Variants in FRY observed in about 807,000 individuals in gnomAD.
The protein encoded by FRY is protein furry homolog.
FRY carries 128 observed loss-of-function variants against 348.4 expected under a neutral mutation model. That is an observed-to-expected ratio of 0.37 (90% CI 0.32 to 0.43). The LOEUF is 0.43. FRY is among the 20% of genes least tolerant of loss of function. FRY has a pLI of 1.00. For missense variants in FRY, 2,736 were observed against 3,695.2 expected (o/e 0.74, Z 6.73); for synonymous variants, 1,370 against 1,374.7 (o/e 1.00, Z 0.08).
At chr13:32,274,359 C>A (rs1170202132) in intron 55 of FRY, among the ~76,000 whole-genome samples, 1 of 152,042 alleles carries the variant, frequency 6.6e-6, no homozygotes, top group Non-Finnish European at 1.5e-5. Flanking sequence ...ACAGCATACA[C>A]ATATTTTAAA....
At chr13:32,095,452 A>G (rs1786600049) in intron 2 of FRY, among the ~76,000 whole-genome samples, 1 of 144,384 alleles carries the variant, frequency 6.9e-6, no homozygotes, top group South Asian at 2.2e-4. Context: ...GGTTCCAGCA[A>G]TTCACTGCCT....
At chr13:32,184,128 A>T (rs1315173919) in intron 24 of FRY, among the ~76,000 whole-genome samples, 2 of 150,432 alleles carry the variant, frequency 1.3e-5, no homozygotes, top group African/African-American at 4.9e-5. Context: ...ATAGTAAGCC[A>T]AGATCACACC....
At chr13:32,090,938 T>G (rs1455372319) in intron 2 of FRY, among the ~76,000 whole-genome samples, 5 of 151,810 alleles carry the variant, frequency 3.3e-5, no homozygotes, top group African/African-American at 9.7e-5. Context: ...AAAAAAAAAG[T>G]GCCAACATAT....
chr13:32,284,794 G>A (rs1332803060), intron 58 of FRY, among the ~76,000 whole-genome samples: 1 of 152,138 alleles, frequency 6.6e-6, no homozygotes. Flanking sequence ...GAAAATAATA[G>A]CTACTATAGT....
At chr13:32,196,170 T>C (rs1213900364) in intron 29 of FRY, among the ~76,000 whole-genome samples, 3 of 152,210 alleles carry the variant, frequency 2.0e-5, no homozygotes, top group African/African-American at 7.2e-5. Context: ...TGAAAAGTCA[T>C]ATGCAAACTG....
At chr13:32,097,430 T>G (rs1272466402) in intron 2 of FRY, among the ~76,000 whole-genome samples, 3 of 150,906 alleles carry the variant, frequency 2.0e-5, no homozygotes, top group African/African-American at 7.3e-5. Context: ...GGCATGATCT[T>G]GGCTCACTGC....
chr13:32,244,650 A>G (rs984129598), intron 47 of FRY, among the ~76,000 whole-genome samples: 5 of 152,262 alleles, frequency 3.3e-5, no homozygotes, highest in African/African-American at 1.2e-4. Flanking sequence ...AATATACTTG[A>G]AAATACTGCA....
chr13:32,291,966 G>GT (rs1283191700), intron 59 of FRY: 1 of 451,044 alleles, frequency 2.2e-6, no homozygotes, highest in South Asian at 1.6e-5. Context: ...AACAAATAAA[G>GT]TTTTTTTGTT....
intron 1 of FRY, among the ~76,000 whole-genome samples, chr13:32,063,081 T>G (rs1374654100): frequency 2.6e-5 from 4 of 152,180 alleles, no homozygotes; most frequent in Non-Finnish European, 5.9e-5. Flanking sequence ...AGACTGTCCT[T>G]CAAGTCACCC....
At position 32,184,995 on chromosome 13, in the gene FRY, C is replaced by T. The variant is rs751565181; in HGVS notation, c.3166C>T (p.Arg1056Trp). 5.6e-6 allele frequency: 9 copies of T among 1,613,792 alleles called. No homozygotes were observed. Among genetic ancestry groups the T allele is most frequent in the Admixed American group, 1.7e-5 (1 of 60,018 alleles). The part of the protein sequence containing the change: ...ISDSTNGALE[R>W]DTLALGALFL... ...TTCCAGCACAAATGGAGCCCTAGAG[C>T]GGGATACTTTAGCCCTGGGAGCTTT... Residue 1056 changes from arginine to tryptophan, a missense_variant, in exon 26 of 61, where the codon CGG (arginine) becomes TGG (tryptophan). Coordinates refer to ENST00000542859, the MANE Select transcript of FRY (RefSeq NM_023037.3).
At chr13:32,225,330 A>G (rs1306015646) in intron 38 of FRY, among the ~76,000 whole-genome samples, 1 of 152,210 alleles carries the variant, frequency 6.6e-6, no homozygotes, top group African/African-American at 2.4e-5. Context: ...TGAAATGGTA[A>G]ATTTTAAGCT....
chr13:32,107,894 C>T (rs1157987787), intron 3 of FRY, among the ~76,000 whole-genome samples: 1 of 152,152 alleles, frequency 6.6e-6, no homozygotes, highest in African/African-American at 2.4e-5. Context: ...AGAATTCCAA[C>T]AGCATTTGAA....
chr13:32,217,310 A>G (rs1284093087), intron 35 of FRY, among the ~76,000 whole-genome samples: 1 of 152,194 alleles, frequency 6.6e-6, no homozygotes, highest in African/African-American at 2.4e-5. Flanking sequence ...TAAAATAAAT[A>G]TAGACATACC....
At chr13:32,103,727 G>A (rs2138640060) in intron 3 of FRY, among the ~76,000 whole-genome samples, 1 of 152,246 alleles carries the variant, frequency 6.6e-6, no homozygotes, top group East Asian at 1.9e-4. Flanking sequence ...CACTTTGAGA[G>A]GCCGAGGCAG....
intron 1 of FRY, among the ~76,000 whole-genome samples, chr13:32,073,471 T>G (rs1453538420): frequency 6.6e-6 from 1 of 152,170 alleles, no homozygotes; most frequent in African/African-American, 2.4e-5. Flanking sequence ...AGCCACTTAC[T>G]CTGTTTAATT....
intron 31 of FRY, among the ~76,000 whole-genome samples, chr13:32,205,184 C>T (rs952202212): frequency 1.7e-5 from 2 of 117,760 alleles, no homozygotes; most frequent in African/African-American, 3.4e-5. Flanking sequence ...GCCTGAGCGA[C>T]AGAGCGAGAC....
Position 32,239,560 on chromosome 13 carries a change from A to G in FRY, c.6517-151A>G. ...GAATGCAGGTGGGAAGAATTTGTGA[A>G]AATTATATTAGCCAAGCTAAGTATT... On this transcript the variant is annotated intron_variant, in intron 45 of 60. Transcript: ENST00000542859. This position sits in a 1 kb window ranked among gnomAD's most constrained non-coding sequence, Gnocchi z 4.3. The G allele has an allele frequency of 1.4e-6, 1 of 712,156 alleles. No individual in the cohort carries two copies. Among genetic ancestry groups the G allele is most frequent in the Middle Eastern group, 3.7e-4 (1 of 2,680 alleles). 44.1% of individuals were successfully genotyped at this position (712,156 alleles called of 1,614,324 possible). A position where few individuals can be genotyped will look rare whatever the true frequency, so the allele number is the denominator to read the frequency against.
At chr13:32,138,493 A>C (rs935303097) in intron 11 of FRY, among the ~76,000 whole-genome samples, 3 of 152,176 alleles carry the variant, frequency 2.0e-5, no homozygotes, top group African/African-American at 7.2e-5. Context: ...TAATTACTTC[A>C]AAGTTAGAAT....
chr13:32,133,748 TTTTCTTTC>T (rs200373890), intron 8 of FRY, among the ~76,000 whole-genome samples: 1,446 of 143,760 alleles, frequency 0.01, 23 homozygotes, highest in East Asian at 0.055. Flanking sequence ...GGACTCTTTC[TTTTCTTTC>T]TTTCTTTCTT....
Sources: allele counts gnomAD v4.1 joint callset (sites outside exome capture counted in the v4.1 genomes callset), GRCh38; gene constraint gnomAD v4.1.1; non-coding constraint Gnocchi (gnomAD v3.1); transcripts MANE v1.5; gene names NCBI Gene and HGNC (gene_info 2026-07-23, HGNC 2026-07-21).